The following PLG variants were observed in gnomAD, a reference collection of about 807,000 sequenced individuals.
The protein encoded by PLG is plasminogen.
PLG carries 41 observed loss-of-function variants against 104.4 expected under a neutral mutation model. The observed-to-expected ratio is 0.39, with a 90% CI of 0.31 to 0.51. The LOEUF is 0.51. Among genes scored for constraint, PLG ranks in the 20% least tolerant of loss-of-function variants. The pLI, the probability that PLG is intolerant of heterozygous loss-of-function variation, is 0.76. For missense variants in PLG, 891 were observed against 1,003.6 expected (o/e 0.89, Z 1.52); for synonymous variants, 337 against 357.1 (o/e 0.94, Z 0.63).
intron 7 of PLG, among the ~76,000 whole-genome samples, chr6:160,717,905 C>A (rs1412409554): frequency 1.3e-5 from 2 of 152,206 alleles, no homozygotes; most frequent in Non-Finnish European, 2.9e-5. Context: ...CAGGCCAGAA[C>A]ACCCTGCAGC....
In PLG at chr6:160,753,119, A is replaced by G. The variant is rs1360778789; in HGVS notation, c.*58A>G. 29 of 1,072,948 alleles carry G rather than the reference A, an allele frequency of 2.7e-5. No homozygotes were observed. Among genetic ancestry groups the G allele is most frequent in the Non-Finnish European group, 3.8e-5 (27 of 713,618 alleles). 66.5% of individuals were successfully genotyped at this position (1,072,948 alleles called of 1,614,324 possible). On this transcript the variant is annotated 3_prime_UTR_variant, in exon 19 of 19. Coordinates refer to ENST00000308192, the MANE Select transcript of PLG (RefSeq NM_000301.5). The surrounding 1 kb of genome is among the most constrained non-coding windows in gnomAD (Gnocchi z 5.4). ...CCTAGAGGCTGGAACGTGGGTAGGG[A>G]TTTAGCATGCTGGAAATAACTGGCA... is the stretch of plus-strand genomic sequence containing the variant.
intron 17 of PLG, among the ~76,000 whole-genome samples, chr6:160,748,366 A>AAGAAAGAGAGAGAGAGAG (rs1778319298): frequency 2.6e-5 from 1 of 38,092 alleles, no homozygotes; most frequent in Non-Finnish European, 5.2e-5. Context: ...GAAAGAAAGA[A>AAGAAAGAGAGAGAGAGAG]AGAAAGAAAG....
rs115043614 is a variant in PLG, at chr6:160,738,457, A to T, written c.1803-81A>T. ...TATGAACATGGTCAAAATTAAGTGA[A>T]CGTGTCTTTCTGGCTTTCTGTACAA... On this transcript the variant is annotated intron_variant, in intron 14 of 18. Coordinates refer to ENST00000308192, the MANE Select transcript of PLG (RefSeq NM_000301.5). The surrounding 1 kb of genome is among the most constrained non-coding windows in gnomAD (Gnocchi z 6.8). 15 of 875,604 alleles carry T rather than the reference A, an allele frequency of 1.7e-5. No homozygotes were observed. The South Asian group carries it at 2.0e-4, about 11-fold the overall frequency. The allele number at this position is 875,604 out of a possible 1,614,324, so 54.2% of individuals were successfully genotyped here.
In PLG at chr6:160,734,284, C is replaced by T. The variant is rs1211179129; in HGVS notation, c.1681+196C>T. 6.6e-6 allele frequency among the ~76,000 whole-genome samples: 1 copy of T among 152,076 alleles called. No individual in the cohort carries two copies. Among genetic ancestry groups the T allele is most frequent in the African/African-American group, 2.4e-5 (1 of 41,390 alleles). On this transcript the variant is annotated intron_variant, in intron 13 of 18. Transcript: ENST00000308192. This position sits in a 1 kb window ranked among gnomAD's most constrained non-coding sequence, Gnocchi z 4.4. ...TGTTAGAGGAACACCTGCCCATCGC[C>T]CCAGGCACACATAAATAAAATAAAT...
In PLG at chr6:160,736,853, T is replaced by C. The variant is rs1268048371; in HGVS notation, c.1682-34T>C. ...TACACCACAAAATTGCTACCTTGTC[T>C]CAAATGGGATTTCTTTCCCACCTTG... is the stretch of plus-strand genomic sequence containing the variant. On this transcript the variant is annotated intron_variant, in intron 13 of 18. Coordinates refer to ENST00000308192, the MANE Select transcript of PLG (RefSeq NM_000301.5). The surrounding 1 kb of genome is among the most constrained non-coding windows in gnomAD (Gnocchi z 5.2). 6.2e-7 allele frequency: 1 copy of C among 1,612,774 alleles called. No homozygotes were observed.
At chr6:160,751,687 A>G (rs1219748639) in intron 17 of PLG, among the ~76,000 whole-genome samples, 1 of 152,214 alleles carries the variant, frequency 6.6e-6, no homozygotes, top group Non-Finnish European at 1.5e-5. Flanking sequence ...AGATCATAGC[A>G]TTATACAAAA....
At position 160,752,625 on chromosome 6, in the gene PLG, T is replaced by C. The variant is rs746516821; in HGVS notation, c.2272-275T>C. Among the ~76,000 whole-genome samples, 1 of 152,154 alleles carries C rather than the reference T, an allele frequency of 6.6e-6. No homozygotes were observed. Among genetic ancestry groups the C allele is most frequent in the Non-Finnish European group, 1.5e-5 (1 of 68,030 alleles). The stretch of plus-strand genomic sequence containing the variant: ...ACACACTTTACACTGATGCCCAGGC[T>C]AGCCCAGTCTAAAGGAAACACCAAC... On this transcript the variant is annotated intron_variant, in intron 18 of 18. Transcript: ENST00000308192. This position sits in a 1 kb window ranked among gnomAD's most constrained non-coding sequence, Gnocchi z 4.7.
chr6:160,707,555 C>T (rs1777552373), intron 2 of PLG, 145 bp from the exon 3 acceptor site: 1 of 847,902 alleles, frequency 1.2e-6, no homozygotes, highest in Non-Finnish European at 2.0e-6. Flanking sequence ...GATGCCATGC[C>T]CAAATAACTG....
chr6:160,730,673 G>A (rs981466023), intron 10 of PLG: 2 of 254,874 alleles, frequency 7.8e-6, no homozygotes, highest in Non-Finnish European at 1.5e-5. Context: ...GACAGTTAGA[G>A]ATATACTTTT....
rs1175501167 is a variant in PLG, at chr6:160,731,521, C to T, written c.1439-224C>T. On this transcript the variant is annotated intron_variant, in intron 11 of 18. Coordinates refer to ENST00000308192, the MANE Select transcript of PLG (RefSeq NM_000301.5). This position sits in a 1 kb window ranked among gnomAD's most constrained non-coding sequence, Gnocchi z 5.1. ...TTATCTCAGTATCCCAGTCCAAATT[C>T]GTATTCTATCATGCTGCCATATGTG... Among the ~76,000 whole-genome samples, 2 of 152,188 alleles carry T rather than the reference C, an allele frequency of 1.3e-5. No individual in the cohort carries two copies. Among genetic ancestry groups the T allele is most frequent in the Non-Finnish European group, 2.9e-5 (2 of 68,040 alleles).
At chr6:160,746,933 A>G (rs189817630) in intron 17 of PLG, among the ~76,000 whole-genome samples, 1 of 152,344 alleles carries the variant, frequency 6.6e-6, no homozygotes, top group East Asian at 1.9e-4. Flanking sequence ...AAACAAGCAA[A>G]AAAACAGTAA....
intron 7 of PLG, among the ~76,000 whole-genome samples, chr6:160,717,138 A>C (rs1311293993): frequency 6.6e-6 from 1 of 151,756 alleles, no homozygotes; most frequent in Non-Finnish European, 1.5e-5. Context: ...TTGTAAACAA[A>C]GAGTGTCTTT....
Position 160,733,980 on chromosome 6 carries a change from C to T in PLG, c.1588-15C>T. On this transcript the variant is annotated splice_polypyrimidine_tract_variant and intron_variant, in intron 12 of 18. Coordinates refer to ENST00000308192, the MANE Select transcript of PLG (RefSeq NM_000301.5). ...CCCCACGTGAGCTGGAGCTTACATG[C>T]CTTCTTGTTTTCAGTACTGCCGTAA... 6.7e-7 allele frequency: 1 copy of T among 1,484,220 alleles called. No homozygotes were observed. The highest frequency in any genetic ancestry group is 1.1e-5 in the South Asian group (1 of 88,494). The allele number at this position is 1,484,220 out of a possible 1,614,324, so 91.9% of individuals were successfully genotyped here.
At position 160,752,995 on chromosome 6, in the gene PLG, G is replaced by C. The variant is rs1444303715; in HGVS notation, c.2367G>C (p.Lys789Asn). 4 of 1,605,160 alleles carry C rather than the reference G, an allele frequency of 2.5e-6. No homozygotes were observed. The highest frequency in any genetic ancestry group is 3.4e-6 in the Non-Finnish European group (4 of 1,172,336). ...GTCTTGGCTGTGCACGCCCCAATAA[G>C]CCTGGTGTCTATGTTCGTGTTTCAA... The part of the protein sequence containing the change: ...SWGLGCARPN[K>N]PGVYVRVSRF... Residue 789 changes from lysine (K) to asparagine (N), a missense_variant, in exon 19 of 19, where the codon AAG (lysine) becomes AAC (asparagine). By Grantham distance (94) the Lys-to-Asn change is moderately conservative. Coordinates refer to ENST00000308192, the MANE Select transcript of PLG (RefSeq NM_000301.5). This position sits in a 1 kb window ranked among gnomAD's most constrained non-coding sequence, Gnocchi z 4.7.
In PLG at chr6:160,748,378, A is replaced by AGAGAGAGAG. The variant is rs1562383356; in HGVS notation, c.2126-3737_2126-3736insGAGAGAGAG. 7.4e-4 allele frequency among the ~76,000 whole-genome samples: 31 copies of AGAGAGAGAG among 41,780 alleles called. 1 individual carries two copies. The highest frequency in any genetic ancestry group is 3.1e-3 in the East Asian group (1 of 318). 27.4% of individuals were successfully genotyped at this position (41,780 alleles called of 152,430 possible). A position where few individuals can be genotyped will look rare whatever the true frequency, so the allele number is the denominator to read the frequency against. On this transcript the variant is annotated intron_variant, in intron 17 of 18. Coordinates refer to ENST00000308192, the MANE Select transcript of PLG (RefSeq NM_000301.5). ...AAAGAAAGAAAGAAAGAAAGAAAGA[A>AGAGAGAGAG]AGAAAGAAAGAAAGAAAGAAAGGAA...
chr6:160,729,791 T>G (rs769250936), intron 10 of PLG, among the ~76,000 whole-genome samples: 9 of 152,226 alleles, frequency 5.9e-5, no homozygotes, highest in Non-Finnish European at 1.0e-4. Flanking sequence ...GGAAGTGTTC[T>G]GTATCATATG....
In PLG at chr6:160,741,503, CA is replaced by C; in HGVS notation, c.2125+89del. On this transcript the variant is annotated intron_variant, in intron 17 of 18. Coordinates refer to ENST00000308192, the MANE Select transcript of PLG (RefSeq NM_000301.5). The surrounding 1 kb of genome is among the most constrained non-coding windows in gnomAD (Gnocchi z 4.7). Reference sequence around the variant, plus strand: ...AATGATCATTTTGGAGAAAGCTGTGCAAATTCCTATCCATGAATGTGGTCCA... The same window carrying C: ...AATGATCATTTTGGAGAAAGCTGTGCAATTCCTATCCATGAATGTGGTCCA... The C allele has an allele frequency of 2.3e-6, 2 of 880,394 alleles. No individual in the cohort carries two copies. The highest frequency in any genetic ancestry group is 3.8e-6 in the Non-Finnish European group (2 of 525,946). 54.5% of individuals were successfully genotyped at this position (880,394 alleles called of 1,614,324 possible). A position where few individuals can be genotyped will look rare whatever the true frequency, so the allele number is the denominator to read the frequency against.
At chr6:160,720,551 C>A (rs1353312060) in intron 9 of PLG, among the ~76,000 whole-genome samples, 4 of 150,848 alleles carry the variant, frequency 2.7e-5, no homozygotes. Flanking sequence ...TCCTGAGGAG[C>A]TGGGACTACA....
intron 9 of PLG, among the ~76,000 whole-genome samples, chr6:160,720,973 A>G (rs1401013466): frequency 6.6e-6 from 1 of 150,986 alleles, no homozygotes; most frequent in Non-Finnish European, 1.5e-5. Flanking sequence ...TTTATGGATT[A>G]TTTTTTCAGT....
Sources: gnomAD v4.1 joint callset for allele counts (sites outside exome capture counted in the v4.1 genomes callset) on GRCh38, gnomAD v4.1.1 for gene constraint, Gnocchi (gnomAD v3.1) non-coding constraint, MANE v1.5 for transcripts, NCBI Gene and HGNC (gene_info 2026-07-23, HGNC 2026-07-21) for gene names.